Variants in TAFA1 observed in about 807,000 individuals in gnomAD.
TAFA1 encodes the protein chemokine-like protein TAFA-1.
TAFA1 carries 4 observed loss-of-function variants against 18.5 expected under a neutral mutation model. The ratio of observed to expected loss-of-function variants is 0.22; its 90% CI spans 0.11 to 0.49. The LOEUF is 0.49. Among genes scored for constraint, TAFA1 ranks in the 20% least tolerant of loss-of-function variants. The pLI, the probability that TAFA1 is intolerant of heterozygous loss-of-function variation, is 0.98. For missense variants in TAFA1, 147 were observed against 169.0 expected (o/e 0.87, Z 0.72); for synonymous variants, 56 against 55.2 (o/e 1.01, Z -0.06).
At chr3:68,041,604 T>C (rs1453607442) in intron 2 of TAFA1, among the ~76,000 whole-genome samples, 1 of 152,222 alleles carries the variant, frequency 6.6e-6, no homozygotes, top group Non-Finnish European at 1.5e-5. Context: ...TTGAAAACTC[T>C]TTATTGAGTG....
At chr3:68,047,262 CT>C (rs756027690) in intron 2 of TAFA1, among the ~76,000 whole-genome samples, 1 of 152,118 alleles carries the variant, frequency 6.6e-6, no homozygotes, top group Non-Finnish European at 1.5e-5. Flanking sequence ...TCTAAATATC[CT>C]TCTTCAGATG....
intron 3 of TAFA1, among the ~76,000 whole-genome samples, chr3:68,431,008 C>T (rs555293826): frequency 1.3e-5 from 2 of 151,970 alleles, no homozygotes; most frequent in East Asian, 3.9e-4. Flanking sequence ...TTATTTTTCT[C>T]CTGATTGGCA....
intron 2 of TAFA1, among the ~76,000 whole-genome samples, chr3:68,277,591 T>C (rs72924580): frequency 0.021 from 3,214 of 152,306 alleles, 110 homozygotes; most frequent in African/African-American, 0.074. Flanking sequence ...TTATATGTTA[T>C]TGTTTGGAAC....
chr3:68,536,281 A>G (rs768544516), intron 3 of TAFA1, among the ~76,000 whole-genome samples: 5 of 152,194 alleles, frequency 3.3e-5, no homozygotes, highest in Admixed American at 1.3e-4. Context: ...TCATCCCTCT[A>G]GTGAATACTG....
chr3:68,483,220 C>T (rs928804807), intron 3 of TAFA1, among the ~76,000 whole-genome samples: 6 of 152,132 alleles, frequency 3.9e-5, no homozygotes, highest in African/African-American at 1.4e-4. Context: ...TCTTGCATAA[C>T]TTTAAAAAAT....
At chr3:68,521,707 T>G (rs1195162391) in intron 3 of TAFA1, among the ~76,000 whole-genome samples, 1 of 152,028 alleles carries the variant, frequency 6.6e-6, no homozygotes, top group Non-Finnish European at 1.5e-5. Flanking sequence ...AGAAAGTCAG[T>G]GGTAAACTAA....
At chr3:68,502,644 T>C (rs1398070) in intron 3 of TAFA1, among the ~76,000 whole-genome samples, 30,784 of 151,724 alleles carry the variant, frequency 0.2, 3,217 homozygotes, top group Middle Eastern at 0.24. Context: ...GCTTGCCTAT[T>C]CCCCCCTGAT....
intron 3 of TAFA1, among the ~76,000 whole-genome samples, chr3:68,457,539 G>A (rs577469992): frequency 3.8e-4 from 58 of 152,126 alleles, no homozygotes; most frequent in African/African-American, 1.4e-3. Context: ...TGTTGCTCAA[G>A]GGCCAACTGT....
chr3:68,502,720 C>T (rs545371949), intron 3 of TAFA1, among the ~76,000 whole-genome samples: 1 of 152,178 alleles, frequency 6.6e-6, no homozygotes, highest in African/African-American at 2.4e-5. Flanking sequence ...AAAACAGCTC[C>T]TTCTTAATAC....
At chr3:68,193,815 C>T (rs192150056) in intron 2 of TAFA1, among the ~76,000 whole-genome samples, 149 of 151,714 alleles carry the variant, frequency 9.8e-4, no homozygotes, top group African/African-American at 2.6e-3. Flanking sequence ...AGGTTTCTGC[C>T]GCCCTAATAC....
chr3:67,992,347 C>T, the TAFA1 span, among the ~76,000 whole-genome samples: 57 of 152,294 alleles, frequency 3.7e-4, no homozygotes, highest in African/African-American at 1.2e-3. Context: ...TGACAATATA[C>T]TTAGAGAGGC....
At chr3:68,442,029 C>T (rs910578294) in intron 3 of TAFA1, among the ~76,000 whole-genome samples, 1 of 152,158 alleles carries the variant, frequency 6.6e-6, no homozygotes, top group Admixed American at 6.5e-5. Flanking sequence ...TTAGCCCTCA[C>T]CAGAATCCTG....
chr3:68,021,894 T>C (rs1349005), intron 2 of TAFA1, among the ~76,000 whole-genome samples: 30,953 of 152,080 alleles, frequency 0.2, 3,737 homozygotes, highest in Non-Finnish European at 0.28. Context: ...AGCTCTCTAC[T>C]GAAGAGGGCA....
At chr3:68,525,731 CT>C (rs1341966308) in intron 3 of TAFA1, among the ~76,000 whole-genome samples, 2 of 152,202 alleles carry the variant, frequency 1.3e-5, no homozygotes, top group Non-Finnish European at 2.9e-5. Flanking sequence ...CATATTTCAT[CT>C]TCACATGAGA....
chr3:68,139,798 C>T (rs898213185), intron 2 of TAFA1, among the ~76,000 whole-genome samples: 1 of 152,206 alleles, frequency 6.6e-6, no homozygotes, highest in East Asian at 1.9e-4. Flanking sequence ...ATCTCCTGCT[C>T]TATTTCAACC....
chr3:68,503,191 G>A (rs1482750070), intron 3 of TAFA1, among the ~76,000 whole-genome samples: 2 of 152,038 alleles, frequency 1.3e-5, no homozygotes, highest in African/African-American at 2.4e-5. Flanking sequence ...TGTCCCCAAG[G>A]GAAAAATAAA....
intron 2 of TAFA1, among the ~76,000 whole-genome samples, chr3:68,346,508 A>C (rs962403476): frequency 1.3e-5 from 2 of 152,166 alleles, no homozygotes; most frequent in African/African-American, 2.4e-5. Flanking sequence ...CAAAATCTTG[A>C]CCATTGTAGT....
chr3:68,257,119 G>A (rs1293210461), intron 2 of TAFA1, among the ~76,000 whole-genome samples: 1 of 152,024 alleles, frequency 6.6e-6, no homozygotes, highest in Admixed American at 6.6e-5. Flanking sequence ...GTTCTTTCCA[G>A]CCTCAGGGTA....
chr3:68,529,470 C>T (rs542453407), intron 3 of TAFA1, among the ~76,000 whole-genome samples: 1 of 110,406 alleles, frequency 9.1e-6, no homozygotes, highest in South Asian at 3.0e-4. Context: ...AAAAAAAGAA[C>T]ACAAGCTGCT....
Sources: allele counts gnomAD v4.1 joint callset (sites outside exome capture counted in the v4.1 genomes callset), GRCh38; gene constraint gnomAD v4.1.1; transcripts MANE v1.5; gene names NCBI Gene and HGNC (gene_info 2026-07-23, HGNC 2026-07-21).